The following RBFOX1 variants were observed in gnomAD, a reference collection of about 807,000 sequenced individuals.
RBFOX1 encodes RNA binding protein fox-1 homolog 1.
RBFOX1 carries 8 observed loss-of-function variants against 57.7 expected under a neutral mutation model. That is an observed-to-expected ratio of 0.14 (90% CI 0.08 to 0.25). The LOEUF (loss-of-function observed/expected upper bound fraction) is 0.25. RBFOX1 is among the 10% of genes least tolerant of loss of function. RBFOX1 has a pLI of 1.00. For missense variants in RBFOX1, 611 were observed against 548.5 expected (o/e 1.11, Z -1.14); for synonymous variants, 326 against 222.4 (o/e 1.47, Z -4.15).
chr16:7,317,345 G>A (rs1485131352), intron 4 of RBFOX1, among the ~76,000 whole-genome samples: 1 of 152,148 alleles, frequency 6.6e-6, no homozygotes, highest in Admixed American at 6.5e-5. Flanking sequence ...GCAGCTTCAT[G>A]GAAGTGAGTG....
chr16:7,564,907 T>C (rs1477929696), intron 5 of RBFOX1, among the ~76,000 whole-genome samples: 1 of 152,216 alleles, frequency 6.6e-6, no homozygotes, highest in Non-Finnish European at 1.5e-5. Flanking sequence ...GAGCATTGAA[T>C]TCATTCGAGT....
chr16:7,697,587 G>C (rs993087613), intron 14 of RBFOX1, among the ~76,000 whole-genome samples: 1 of 152,038 alleles, frequency 6.6e-6, no homozygotes, highest in Non-Finnish European at 1.5e-5. Context: ...TATCACAGTA[G>C]TTCAACGAGG....
intron 3 of RBFOX1, among the ~76,000 whole-genome samples, chr16:7,040,022 C>A (rs12919230): frequency 2.3e-5 from 2 of 85,834 alleles, no homozygotes; most frequent in African/African-American, 6.2e-5. Flanking sequence ...TTATTATTAT[C>A]ATTATTATTA....
At chr16:7,303,422 C>G (rs746413991) in intron 4 of RBFOX1, among the ~76,000 whole-genome samples, 6 of 152,144 alleles carry the variant, frequency 3.9e-5, no homozygotes, top group Non-Finnish European at 7.3e-5. Flanking sequence ...CCGCCACCAA[C>G]ATCTACCACT....
intron 4 of RBFOX1, among the ~76,000 whole-genome samples, chr16:5,970,732 A>T (rs1456509330): frequency 2.6e-5 from 4 of 152,206 alleles, no homozygotes; most frequent in Non-Finnish European, 5.9e-5. Context: ...GACCCTGCGA[A>T]ATTGACTGAA....
rs74006237 is a variant in RBFOX1, at chr16:5,729,370, C to T, written c.318+130409C>T. Reference sequence around the variant, plus strand: ...TTGCAATTCCTCAATAAGCTCAGCACACAGCTAGCTTTTTTTTTTTCTTTT... The same window carrying T: ...TTGCAATTCCTCAATAAGCTCAGCATACAGCTAGCTTTTTTTTTTTCTTTT... On this transcript the variant is annotated intron_variant, in intron 3 of 19. Coordinates refer to the RBFOX1 transcript ENST00000641259. Among the ~76,000 whole-genome samples, 1,030 of 149,230 alleles carry T rather than the reference C, an allele frequency of 6.9e-3. 8 individuals carry two copies. The highest frequency in any genetic ancestry group is 0.024 in the African/African-American group (957 of 40,646).
chr16:7,608,517 G>A (rs1378141079), intron 10 of RBFOX1, among the ~76,000 whole-genome samples: 1 of 152,188 alleles, frequency 6.6e-6, no homozygotes, highest in Non-Finnish European at 1.5e-5. Context: ...ACTCTTGTGG[G>A]GGAAGAGACT....
chr16:6,070,562 C>G (rs1178207460), intron 1 of RBFOX1, among the ~76,000 whole-genome samples: 2 of 152,062 alleles, frequency 1.3e-5, no homozygotes, highest in African/African-American at 4.8e-5. Flanking sequence ...GAAAGTAACA[C>G]AGAATGATAC....
chr16:5,293,749 G>A (rs1196309195), intron 1 of RBFOX1, among the ~76,000 whole-genome samples: 3 of 151,904 alleles, frequency 2.0e-5, no homozygotes, highest in Non-Finnish European at 4.4e-5. Context: ...CAGGTGCTGG[G>A]GGAAAGGGGA....
intron 4 of RBFOX1, among the ~76,000 whole-genome samples, chr16:7,141,746 C>G (rs115084924): frequency 1.3e-5 from 2 of 152,200 alleles, no homozygotes; most frequent in African/African-American, 2.4e-5. Context: ...CCAGTAAGTT[C>G]TAATCCATCT....
At chr16:7,283,089 G>A (rs1239007436) in intron 4 of RBFOX1, among the ~76,000 whole-genome samples, 5 of 152,084 alleles carry the variant, frequency 3.3e-5, no homozygotes, top group Non-Finnish European at 7.3e-5. Context: ...TTTGTATAAC[G>A]ACTTTTTTTC....
chr16:5,940,003 A>T (rs1321904880), intron 4 of RBFOX1, among the ~76,000 whole-genome samples: 1 of 152,196 alleles, frequency 6.6e-6, no homozygotes, highest in Non-Finnish European at 1.5e-5. Context: ...TCTTATTTGT[A>T]AAATGGGGCA....
chr16:6,192,022 A>T (rs956618272), intron 1 of RBFOX1, among the ~76,000 whole-genome samples: 1 of 152,178 alleles, frequency 6.6e-6, no homozygotes, highest in Non-Finnish European at 1.5e-5. Context: ...AGGTCATGGA[A>T]TTAGAACATT....
At chr16:6,212,507 A>T (rs1316405236) in intron 1 of RBFOX1, among the ~76,000 whole-genome samples, 1 of 152,090 alleles carries the variant, frequency 6.6e-6, no homozygotes, top group South Asian at 2.1e-4. Flanking sequence ...GGAGATCAAG[A>T]CCATCCTGGC....
intron 3 of RBFOX1, among the ~76,000 whole-genome samples, chr16:6,939,089 AC>A (rs1481485087): frequency 6.6e-6 from 1 of 152,090 alleles, no homozygotes; most frequent in Non-Finnish European, 1.5e-5. Flanking sequence ...CTGTCATTTT[AC>A]TCTTGAAGAA....
At chr16:5,863,377 G>A (rs946801843) in intron 3 of RBFOX1, among the ~76,000 whole-genome samples, 1 of 152,120 alleles carries the variant, frequency 6.6e-6, no homozygotes, top group Non-Finnish European at 1.5e-5. Context: ...AATCATATCA[G>A]CCCCCCACTG....
chr16:6,731,119 C>T (rs1439066226), intron 3 of RBFOX1, among the ~76,000 whole-genome samples: 1 of 152,116 alleles, frequency 6.6e-6, no homozygotes, highest in Non-Finnish European at 1.5e-5. Flanking sequence ...CCTTGGAAAG[C>T]CTGAATTAGA....
intron 3 of RBFOX1, among the ~76,000 whole-genome samples, chr16:6,774,943 T>C (rs184717192): frequency 1.1e-4 from 16 of 152,174 alleles, no homozygotes; most frequent in East Asian, 9.7e-4. Context: ...AGTATACGTC[T>C]ATAGGCCCTA....
At chr16:6,636,259 CTCCCGGGT>C (rs1169452601) in intron 2 of RBFOX1, among the ~76,000 whole-genome samples, 1 of 152,164 alleles carries the variant, frequency 6.6e-6, no homozygotes, top group Non-Finnish European at 1.5e-5. Context: ...CAAGCTCTGC[CTCCCGGGT>C]TCATGCCATT....
Sources: gnomAD v4.1 joint callset for allele counts (sites outside exome capture counted in the v4.1 genomes callset) on GRCh38, gnomAD v4.1.1 for gene constraint, MANE v1.5 for transcripts, NCBI Gene and HGNC (gene_info 2026-07-23, HGNC 2026-07-21) for gene names.